The following CYB5R2 variants were observed in gnomAD, a reference collection of about 807,000 sequenced individuals.
CYB5R2 encodes the protein NADH-cytochrome b5 reductase 2.
Under a neutral mutation model 29.8 loss-of-function variants are expected in CYB5R2, and 35 were observed. That is an observed-to-expected ratio of 1.17 (90% confidence interval 0.90 to 1.56). The LOEUF is 1.56. CYB5R2 is among the 40% of genes most tolerant of loss of function. The pLI, the probability that CYB5R2 is intolerant of heterozygous loss-of-function variation, is 0.00. For missense variants in CYB5R2, 419 were observed against 346.7 expected, an observed-to-expected ratio of 1.21 and a Z score of -1.66; for synonymous variants, 169 against 130.6, an observed-to-expected ratio of 1.29 and a Z score of -2.01.
In CYB5R2 at chr11:7,665,112, A is replaced by G; in HGVS notation, c.*262T>C. 1 of 326,302 alleles carries G rather than the reference A, an allele frequency of 3.1e-6. No individual in the cohort carries two copies. The highest frequency in any genetic ancestry group is 5.6e-6 in the Non-Finnish European group (1 of 178,044). The allele number at this position is 326,302 out of a possible 1,614,324, so 20.2% of individuals were successfully genotyped here. On this transcript the variant is annotated 3_prime_UTR_variant, in exon 9 of 9. Transcript: ENST00000299498. Reference sequence around the variant, plus strand: ...ACACTTCATGGGCTGTCTGCTTTGTACTTGAGTTTATTTCACAAAACCACG... The same window carrying G: ...ACACTTCATGGGCTGTCTGCTTTGTGCTTGAGTTTATTTCACAAAACCACG...
At chr11:7,666,080 G>C in intron 8 of CYB5R2, 1 of 654,014 alleles carries the variant, frequency 1.5e-6, no homozygotes, top group Admixed American at 2.3e-5. Context: ...TGGGCGGTAA[G>C]GGGTGTGGTG....
At position 7,672,770 on chromosome 11, in the gene CYB5R2, G is replaced by C. The variant is rs777770734; in HGVS notation, c.56C>G (p.Pro19Arg). Reference sequence around the variant, plus strand: ...TACCTCTTTCTCAATCAAGGGCAGCGGGTACTTGGCTTCAGGGTCCTGTAA... The same window carrying C: ...TACCTCTTTCTCAATCAAGGGCAGCCGGTACTTGGCTTCAGGGTCCTGTAA... ...ITLQDPEAKY[P>R]LPLIEKEKIS... The change falls in exon 2 of 9, where the codon CCG becomes CGG. Residue 19 changes from proline to arginine, a missense_variant. Transcript: ENST00000299498. The C allele has an allele frequency of 1.2e-6, 2 of 1,614,140 alleles. No homozygotes were observed. The highest frequency in any genetic ancestry group is 2.2e-5 in the East Asian group (1 of 44,884).
chr11:7,665,143 A>G lies in CYB5R2; in HGVS notation c.*231T>C. 2.4e-6 allele frequency: 1 copy of G among 413,512 alleles called. No homozygotes were observed. The allele number at this position is 413,512 out of a possible 1,614,324, so 25.6% of individuals were successfully genotyped here. A position where few individuals can be genotyped will look rare whatever the true frequency, so the allele number is the denominator to read the frequency against. On this transcript the variant is annotated 3_prime_UTR_variant, in exon 9 of 9. Coordinates refer to ENST00000299498, the MANE Select transcript of CYB5R2 (RefSeq NM_016229.5). ...GTTTATTTCACAAAACCACGGAGAA[A>G]GATACTGAAATGGAGCTCTTTCCAG...
rs146956666 is a variant in CYB5R2, at chr11:7,665,435, G to T, written c.770C>A (p.Thr257Lys). 3.1e-6 allele frequency: 5 copies of T among 1,612,854 alleles called. No individual in the cohort carries two copies. The African/African-American group carries it at 4.0e-5, about 13-fold the overall frequency. ...CTTCTCCAGGTTAGGGTGAGCCGCC[G>T]TCTGGATTAGTGGTGGCGGGCCACA... is the stretch of plus-strand genomic sequence containing the variant. ...LVCGPPPLIQ[T>K]AAHPNLEKLG... The change falls in exon 9 of 9, where the codon ACG (threonine) becomes AAG (lysine). Residue 257 changes from threonine (T) to lysine (K), a missense_variant. Transcript: ENST00000299498.
chr11:7,665,219 T>G lies in CYB5R2; in HGVS notation c.*155A>C. The G allele has an allele frequency of 3.3e-6, 2 of 608,236 alleles. No homozygotes were observed. Among genetic ancestry groups the G allele is most frequent in the Non-Finnish European group, 5.4e-6 (2 of 373,440 alleles). 37.7% of individuals were successfully genotyped at this position (608,236 alleles called of 1,614,324 possible). ...CCAGTCTCCAGCCCCTTGAGCCCTT[T>G]TTGTTAGGCCCACACCCAAAAGAGG... On this transcript the variant is annotated 3_prime_UTR_variant, in exon 9 of 9. Transcript: ENST00000299498.
rs771617201 is a variant in CYB5R2, at chr11:7,669,247, A to AGAT, written c.343_345dup (p.Ile115dup). ...AAGCGTCCCCTTGGCCCTCGAAAAA[A>AGAT]GATGGTCTCCCCGATTTTCATGTTC... On this transcript the variant is annotated inframe_insertion, in exon 5 of 9. Transcript: ENST00000299498. The AGAT allele has an allele frequency of 1.2e-6, 2 of 1,614,034 alleles. No individual in the cohort carries two copies. Among genetic ancestry groups the AGAT allele is most frequent in the Middle Eastern group, 1.6e-4 (1 of 6,084 alleles).
chr11:7,673,294 G>T (rs1171893689), intron 1 of CYB5R2, 125 bp downstream of exon 1: 3 of 872,128 alleles, frequency 3.4e-6, no homozygotes, highest in Non-Finnish European at 4.3e-6. Flanking sequence ...ACTAGGGTGC[G>T]TAGCTCTAAG....
intron 8 of CYB5R2, chr11:7,665,785 G>A: frequency 2.1e-6 from 3 of 1,459,168 alleles, no homozygotes; most frequent in African/African-American, 1.4e-5. Context: ...CTGTCTGTCA[G>A]CTGTCAGCAT....
chr11:7,666,111 T>G (rs1855176384), intron 8 of CYB5R2: 1 of 622,104 alleles, frequency 1.6e-6, no homozygotes, highest in African/African-American at 1.8e-5. Context: ...GAAGGGTGAG[T>G]GGTGAAGGGG....
chr11:7,670,315 T>G (rs1855648206), intron 3 of CYB5R2: 1 of 150,524 alleles, frequency 6.6e-6, no homozygotes, highest in African/African-American at 2.5e-5. Flanking sequence ...ACTGTGCCAC[T>G]GCATTCCAGC....
chr11:7,669,428 G>C, intron 4 of CYB5R2, 94 bp from the exon 5 acceptor site: 1 of 1,462,438 alleles, frequency 6.8e-7, no homozygotes, highest in Non-Finnish European at 9.3e-7. Flanking sequence ...AAGCTTTGCA[G>C]AGAAAGTGTT....
chr11:7,672,306 A>G lies in CYB5R2; in HGVS notation c.151+145T>C, dbSNP rs1033615396. Reference sequence around the variant, plus strand: ...TTTTCTGTCCCACATCCATCCCCCTATCTATCTCCCTGAGCTCACAGGCTC... The same window carrying G: ...TTTTCTGTCCCACATCCATCCCCCTGTCTATCTCCCTGAGCTCACAGGCTC... On this transcript the variant is annotated intron_variant, in intron 3 of 8. Transcript: ENST00000299498. 6.6e-5 allele frequency: 43 copies of G among 654,838 alleles called. 1 individual carries two copies. Among genetic ancestry groups the G allele is most frequent in the Admixed American group, 4.1e-4 (14 of 34,208 alleles). The allele number at this position is 654,838 out of a possible 1,614,324, so 40.6% of individuals were successfully genotyped here.
chr11:7,672,639 C>CACACACAG, intron 2 of CYB5R2, 109 bp downstream of exon 2: 1 of 1,510,704 alleles, frequency 6.6e-7, no homozygotes, highest in Non-Finnish European at 9.2e-7. Flanking sequence ...CACACACACA[C>CACACACAG]ACAGGGCGGC....
At chr11:7,669,580 A>AGGCTT (rs1481926978) in intron 4 of CYB5R2, 45 bp downstream of exon 4, 1 of 1,467,704 alleles carries the variant, frequency 6.8e-7, no homozygotes, top group Non-Finnish European at 9.3e-7. Context: ...CACCCTCAGT[A>AGGCTT]GGCTTGGAAG....
upstream of CYB5R2, chr11:7,674,110 A>G (rs1855939317): frequency 8.3e-7 from 1 of 1,206,848 alleles, no homozygotes; most frequent in Non-Finnish European, 1.1e-6. Flanking sequence ...CCCTCAGCTT[A>G]CTTAAGCTCG....
chr11:7,674,077 C>T, upstream of CYB5R2: 2 of 1,192,692 alleles, frequency 1.7e-6, no homozygotes, highest in Non-Finnish European at 2.1e-6. Context: ...TCCCTGCACA[C>T]GCAGAGCTGC....
intron 1 of CYB5R2, 85 bp from the exon 2 acceptor site, chr11:7,672,976 A>C: frequency 7.7e-7 from 1 of 1,292,094 alleles, no homozygotes; most frequent in African/African-American, 1.5e-5. Context: ...CCCTCCCCAC[A>C]CCAAAGGCAC....
chr11:7,665,619 C>T (rs1855089865), intron 8 of CYB5R2, 73 bp from the exon 9 acceptor site: 8 of 1,463,358 alleles, frequency 5.5e-6, no homozygotes, highest in Middle Eastern at 2.2e-4. Flanking sequence ...CGCCTGCACA[C>T]CCACCCTCAG....
upstream of CYB5R2, chr11:7,674,205 G>A (rs1351860219): frequency 2.4e-6 from 3 of 1,270,996 alleles, no homozygotes; most frequent in African/African-American, 1.5e-5. Flanking sequence ...AAGAGCGCGC[G>A]AATATATTCA....
Sources: allele counts gnomAD v4.1 joint callset, GRCh38; gene constraint gnomAD v4.1.1; transcripts MANE v1.5; gene names NCBI Gene and HGNC (gene_info 2026-07-23, HGNC 2026-07-21).